The following PCDH15 variants were observed in gnomAD, a reference collection of about 807,000 sequenced individuals.
PCDH15 encodes the protein protocadherin related 15, also known as protocadherin-15.
Under a neutral mutation model 178.5 loss-of-function variants are expected in PCDH15, and 129 were observed. That is an observed-to-expected ratio of 0.72 (90% CI 0.63 to 0.84). The LOEUF (loss-of-function observed/expected upper bound fraction) is 0.84, where lower values mean the gene tolerates loss of function less well. PCDH15 is among the 40% of genes least tolerant of loss of function. The pLI, the probability that PCDH15 is intolerant of heterozygous loss-of-function variation, is 0.00. For synonymous variants in PCDH15, 800 were observed against 732.0 expected (o/e 1.09, Z -1.50); for missense variants, 2,230 against 2,099.9 (o/e 1.06, Z -1.21).
At chr10:55,553,150 G>T (rs1842030980) in intron 2 of PCDH15, among the ~76,000 whole-genome samples, 1 of 150,882 alleles carries the variant, frequency 6.6e-6, no homozygotes, top group African/African-American at 2.4e-5. Context: ...CAGAATAAGT[G>T]ATGGTTAGAT....
At chr10:55,410,456 C>T (rs763793078) in intron 2 of PCDH15, among the ~76,000 whole-genome samples, 16 of 151,948 alleles carry the variant, frequency 1.1e-4, no homozygotes, top group South Asian at 2.1e-4. Flanking sequence ...GGGAATGAGA[C>T]GAAGAATAAA....
At chr10:54,849,700 GT>G (rs1351050130) in intron 3 of PCDH15, among the ~76,000 whole-genome samples, 1 of 152,052 alleles carries the variant, frequency 6.6e-6, no homozygotes, top group Non-Finnish European at 1.5e-5. Context: ...AATAATTGTG[GT>G]TTTTGCCAAT....
intron 2 of PCDH15, among the ~76,000 whole-genome samples, chr10:55,395,415 T>C (rs1837903885): frequency 6.6e-6 from 1 of 152,114 alleles, no homozygotes; most frequent in Non-Finnish European, 1.5e-5. Flanking sequence ...TATAGATCAT[T>C]ACATGTGAAA....
chr10:54,786,160 T>C (rs939440123), intron 1 of PCDH15, among the ~76,000 whole-genome samples: 17 of 152,018 alleles, frequency 1.1e-4, no homozygotes, highest in Non-Finnish European at 2.4e-4. Flanking sequence ...TTAGAATATA[T>C]GACACAAAAC....
At chr10:54,746,370 AG>A (rs1945463252) in intron 1 of PCDH15, among the ~76,000 whole-genome samples, 1 of 632 alleles carries the variant, frequency 1.6e-3, no homozygotes, top group Non-Finnish European at 0.045. Context: ...ACAAACATAC[AG>A]TTAGATGAAT....
At chr10:54,999,619 A>ACGG (rs1839745749) in intron 2 of PCDH15, among the ~76,000 whole-genome samples, 1 of 152,094 alleles carries the variant, frequency 6.6e-6, no homozygotes, top group Admixed American at 6.5e-5. Flanking sequence ...TGCTTCAGAG[A>ACGG]TGGTGGGAGC....
chr10:54,826,933 C>T (rs1953141550), intron 3 of PCDH15, among the ~76,000 whole-genome samples: 1 of 152,080 alleles, frequency 6.6e-6, no homozygotes, highest in South Asian at 2.1e-4. Context: ...GGACATGGCA[C>T]TTTGAACAAC....
intron 26 of PCDH15, among the ~76,000 whole-genome samples, chr10:53,882,787 T>C (rs1438883911): frequency 6.6e-6 from 1 of 152,250 alleles, no homozygotes; most frequent in Non-Finnish European, 1.5e-5. Context: ...TCTTTTAAAA[T>C]ATTCCCAAAT....
chr10:54,153,030 G>C (rs568751081), intron 14 of PCDH15, 70 bp downstream of exon 14: 2 of 1,528,764 alleles, frequency 1.3e-6, no homozygotes, highest in Admixed American at 1.8e-5. Context: ...TACTTGCCGC[G>C]CTTCTTAAAT....
intron 8 of PCDH15, among the ~76,000 whole-genome samples, chr10:54,279,160 A>T (rs2058525901): frequency 6.6e-6 from 1 of 151,574 alleles, no homozygotes; most frequent in Non-Finnish European, 1.5e-5. Context: ...ATTAGCTTAA[A>T]TAACACAAAT....
At chr10:54,628,342 G>T (rs1369335341) in intron 2 of PCDH15, among the ~76,000 whole-genome samples, 1 of 152,152 alleles carries the variant, frequency 6.6e-6, no homozygotes, top group Non-Finnish European at 1.5e-5. Flanking sequence ...AGTTTCCAGA[G>T]ATTTACCAAC....
intron 8 of PCDH15, among the ~76,000 whole-genome samples, chr10:54,300,283 G>A (rs2060070691): frequency 6.6e-6 from 1 of 152,260 alleles, no homozygotes; most frequent in Non-Finnish European, 1.5e-5. Context: ...GGGTGACATG[G>A]CTTCTCCACT....
At chr10:54,289,136 G>T (rs1233509649) in intron 8 of PCDH15, among the ~76,000 whole-genome samples, 1 of 152,114 alleles carries the variant, frequency 6.6e-6, no homozygotes, top group Non-Finnish European at 1.5e-5. Flanking sequence ...CCTCATATAG[G>T]CAGGTGCCCC....
chr10:54,083,167 C>T (rs2094461817), intron 16 of PCDH15, among the ~76,000 whole-genome samples: 1 of 152,102 alleles, frequency 6.6e-6, no homozygotes, highest in Non-Finnish European at 1.5e-5. Flanking sequence ...TCAGAATCCT[C>T]ATATATTTCT....
intron 15 of PCDH15, among the ~76,000 whole-genome samples, chr10:54,124,150 A>G (rs1008326469): frequency 6.6e-6 from 1 of 152,120 alleles, no homozygotes; most frequent in Non-Finnish European, 1.5e-5. Context: ...TACCCTTTGA[A>G]TCTAAATAAA....
chr10:54,008,787 T>C (rs551428748), intron 20 of PCDH15, among the ~76,000 whole-genome samples: 11 of 152,320 alleles, frequency 7.2e-5, no homozygotes, highest in African/African-American at 2.4e-4. Flanking sequence ...ATGTTTTAAC[T>C]GTTCAATTCC....
chr10:54,757,352 G>A lies in PCDH15; in HGVS notation c.-29+43573C>T, dbSNP rs1947291835. On this transcript the variant is annotated intron_variant, in intron 1 of 37. Coordinates refer to ENST00000644397, the MANE Select transcript of PCDH15 (RefSeq NM_001384140.1). Reference sequence around the variant, plus strand: ...GGCTGGAGCGCAGTGGCGCGATCTCGACTCACTGCAAGCTCCGCCTCCCGG... The same window carrying A: ...GGCTGGAGCGCAGTGGCGCGATCTCAACTCACTGCAAGCTCCGCCTCCCGG... 1.5e-4 allele frequency among the ~76,000 whole-genome samples: 4 copies of A among 26,910 alleles called. No homozygotes were observed. The South Asian group carries it at 2.8e-3, about 19-fold the overall frequency. The allele number at this position is 26,910 out of a possible 152,430, so 17.7% of individuals were successfully genotyped here. A position where few individuals can be genotyped will look rare whatever the true frequency, so the allele number is the denominator to read the frequency against.
intron 18 of PCDH15, among the ~76,000 whole-genome samples, chr10:54,032,694 T>C (rs957743750): frequency 6.6e-6 from 1 of 152,086 alleles, no homozygotes; most frequent in African/African-American, 2.4e-5. Flanking sequence ...CTTTGTCCTT[T>C]TGTTACATTT....
chr10:55,516,061 A>G (rs775494026), intron 2 of PCDH15, among the ~76,000 whole-genome samples: 21 of 152,152 alleles, frequency 1.4e-4, no homozygotes, highest in Middle Eastern at 3.4e-3. Flanking sequence ...TGGCTTCTGC[A>G]TGCCTTGTTT....
Sources: gnomAD v4.1 joint callset for allele counts (sites outside exome capture counted in the v4.1 genomes callset) on GRCh38, gnomAD v4.1.1 for gene constraint, MANE v1.5 for transcripts, NCBI Gene and HGNC (gene_info 2026-07-23, HGNC 2026-07-21) for gene names.